The following EML1 variants were observed in gnomAD, a reference collection of about 807,000 sequenced individuals.
EML1 encodes the protein EMAP like 1.
Under a neutral mutation model 110.4 loss-of-function variants are expected in EML1, and 27 were observed. The ratio of observed to expected loss-of-function variants is 0.24; its 90% CI spans 0.18 to 0.34. The LOEUF (loss-of-function observed/expected upper bound fraction) is 0.34, where lower values mean the gene tolerates loss of function less well. Among genes scored for constraint, EML1 ranks in the 10% least tolerant of loss-of-function variants. The pLI is 1.00. For missense variants in EML1, 741 were observed against 1,030.9 expected (o/e 0.72, Z 3.85); for synonymous variants, 344 against 385.8 (o/e 0.89, Z 1.27).
upstream of EML1, chr14:99,792,557 TCTC>T (rs1566866197): frequency 6.6e-6 from 1 of 152,250 alleles, no homozygotes; most frequent in Non-Finnish European, 1.5e-5. Context: ...TGCGCTATTT[TCTC>T]CTAACTCTTG....
chr14:99,907,423 G>A (rs2059869625), intron 9 of EML1: 2 of 553,142 alleles, frequency 3.6e-6, no homozygotes, highest in African/African-American at 3.8e-5. Context: ...AGCAATGATT[G>A]CACCACTGCA....
upstream of EML1, among the ~76,000 whole-genome samples, chr14:99,771,296 T>C (rs1425897286): frequency 6.6e-6 from 1 of 152,234 alleles, no homozygotes; most frequent in Non-Finnish European, 1.5e-5. Context: ...TCTATGGTTT[T>C]GCCTATTCTG....
chr14:99,842,627 G>A (rs1039964904), intron 1 of EML1, among the ~76,000 whole-genome samples: 5 of 151,842 alleles, frequency 3.3e-5, no homozygotes, highest in Admixed American at 2.6e-4. Flanking sequence ...AGGTGGTGGG[G>A]GTTTTTATTA....
At chr14:99,833,752 C>CA (rs1415701148) in intron 1 of EML1, among the ~76,000 whole-genome samples, 1 of 152,166 alleles carries the variant, frequency 6.6e-6, no homozygotes, top group Non-Finnish European at 1.5e-5. Context: ...TATCCCTAAG[C>CA]ATTTCATATT....
At chr14:99,760,671 G>A (rs192173388) in intron 1 of EML1, among the ~76,000 whole-genome samples, 11 of 152,106 alleles carry the variant, frequency 7.2e-5, no homozygotes, top group African/African-American at 4.8e-5. Flanking sequence ...CCCTGAAAGG[G>A]CTTTGCAGAC....
intron 3 of EML1, among the ~76,000 whole-genome samples, chr14:99,878,072 C>A (rs972624658): frequency 6.6e-6 from 1 of 151,694 alleles, no homozygotes; most frequent in African/African-American, 2.4e-5. Flanking sequence ...TTGTTTAATT[C>A]GTCGGCTATC....
At position 99,781,889 on chromosome 14, in the gene EML1, T is replaced by G. The variant is rs997958297; in HGVS notation, c.-27+7876T>G. Among the ~76,000 whole-genome samples the G allele has an allele frequency of 1.2e-4, 19 of 152,202 alleles. No individual in the cohort carries two copies. The highest frequency in any genetic ancestry group is 4.6e-4 in the African/African-American group (19 of 41,440). ...TGAGGCTGGAGGTATGCTCCCCCGC[T>G]TTTGACTTCTGGACTCCTCAGTCCG... On this transcript the variant is annotated intron_variant, in intron 1 of 22. Transcript: ENST00000327921. This position sits in a 1 kb window ranked among gnomAD's most constrained non-coding sequence, Gnocchi z 4.2.
chr14:99,764,934 G>A (rs2057352971), intron 1 of EML1, among the ~76,000 whole-genome samples: 1 of 152,004 alleles, frequency 6.6e-6, no homozygotes, highest in African/African-American at 2.4e-5. Flanking sequence ...TGTTGTTGGT[G>A]TTGTTGTTGT....
intron 1 of EML1, among the ~76,000 whole-genome samples, chr14:99,744,258 C>T (rs1201021751): frequency 1.3e-5 from 2 of 151,974 alleles, no homozygotes; most frequent in Non-Finnish European, 2.9e-5. Context: ...GGTCTGGTGA[C>T]CCCCTCCCTG....
At chr14:99,752,042 G>A (rs2057182023) in intron 1 of EML1, among the ~76,000 whole-genome samples, 1 of 152,110 alleles carries the variant, frequency 6.6e-6, no homozygotes, top group Non-Finnish European at 1.5e-5. Flanking sequence ...AGCCCTTGCT[G>A]GAGGCATCCA....
intron 1 of EML1, among the ~76,000 whole-genome samples, chr14:99,738,242 G>C (rs186285733): frequency 6.6e-6 from 1 of 152,182 alleles, no homozygotes; most frequent in Non-Finnish European, 1.5e-5. Context: ...ACTTAACGGC[G>C]GGGGAGAGCA....
chr14:99,836,991 A>ATT (rs35306819), intron 1 of EML1, among the ~76,000 whole-genome samples: 45,633 of 141,160 alleles, frequency 0.32, 7,846 homozygotes, highest in South Asian at 0.47. Flanking sequence ...AATTGTTCTA[A>ATT]TTTTTTTTTT....
intron 1 of EML1, among the ~76,000 whole-genome samples, chr14:99,794,250 A>T (rs1303101167): frequency 6.6e-6 from 1 of 152,074 alleles, no homozygotes. Context: ...TTTCAGTCTC[A>T]TTGGCAGGGT....
In EML1 at chr14:99,905,710, A is replaced by C. The variant is rs1460709013; in HGVS notation, c.1009-1928A>C. 6.6e-6 allele frequency among the ~76,000 whole-genome samples: 1 copy of C among 152,168 alleles called. No individual in the cohort carries two copies. Among genetic ancestry groups the C allele is most frequent in the Non-Finnish European group, 1.5e-5 (1 of 68,028 alleles). ...ATGATAATAGCAGTTAACGTCCCAT[A>C]GTGCCAAGCCTGTTCTTAGCTGAAA... On this transcript the variant is annotated intron_variant, in intron 9 of 21. Coordinates refer to ENST00000262233, the MANE Select transcript of EML1 (RefSeq NM_004434.3). This position sits in a 1 kb window ranked among gnomAD's most constrained non-coding sequence, Gnocchi z 4.1.
At chr14:99,826,008 C>CAGTAGGCAA (rs1018558952) in intron 1 of EML1, among the ~76,000 whole-genome samples, 2 of 151,732 alleles carry the variant, frequency 1.3e-5, no homozygotes, top group African/African-American at 4.8e-5. Context: ...CGTTGTACAA[C>CAGTAGGCAA]AGTAGGCAAT....
chr14:99,927,711 A>T (rs1221175681), intron 17 of EML1, among the ~76,000 whole-genome samples: 2 of 139,798 alleles, frequency 1.4e-5, no homozygotes, highest in Non-Finnish European at 3.1e-5. Context: ...CCAGTTTCTG[A>T]GATAATACAT....
intron 17 of EML1, among the ~76,000 whole-genome samples, chr14:99,923,700 A>C (rs778261767): frequency 2.8e-4 from 17 of 60,154 alleles, no homozygotes; most frequent in Admixed American, 1.8e-3. Context: ...CAAATTGAGT[A>C]GTGTCACTGC....
chr14:99,899,555 G>C (rs1214982153), intron 8 of EML1: 2 of 152,084 alleles, frequency 1.3e-5, no homozygotes, highest in African/African-American at 4.8e-5. Context: ...GGGCTCAAGC[G>C]ATCTGCCCAC....
chr14:99,767,680 C>G (rs1010756250), intron 1 of EML1, among the ~76,000 whole-genome samples: 4 of 152,106 alleles, frequency 2.6e-5, no homozygotes, highest in African/African-American at 9.7e-5. Context: ...AAATGCAAGA[C>G]ATTTACAAAT....
Sources: allele counts gnomAD v4.1 joint callset (sites outside exome capture counted in the v4.1 genomes callset), GRCh38; gene constraint gnomAD v4.1.1; non-coding constraint Gnocchi (gnomAD v3.1); transcripts MANE v1.5; gene names NCBI Gene and HGNC (gene_info 2026-07-23, HGNC 2026-07-21).